Variants in TMEM215 observed in about 807,000 individuals in gnomAD.
The protein encoded by TMEM215 is transmembrane protein 215.
Under a neutral mutation model 14.7 loss-of-function variants are expected in TMEM215, and 12 were observed. The observed-to-expected ratio is 0.82, with a 90% CI of 0.52 to 1.33. The LOEUF (loss-of-function observed/expected upper bound fraction) is 1.33, where lower values mean the gene tolerates loss of function less well. TMEM215 is among the 40% of genes most tolerant of loss of function. The pLI is 0.00. For synonymous variants in TMEM215, 122 were observed against 124.8 expected (o/e 0.98, Z 0.15); for missense variants, 276 against 296.2 (o/e 0.93, Z 0.50).
Position 32,784,556 on chromosome 9 carries a change from A to T in TMEM215, c.373A>T (p.Ser125Cys). ...AGLRGKPPPQ[S>C]QGEVSVASSI... is the part of the protein sequence containing the mutation. Reference sequence around the variant, plus strand: ...CCTCAGGGGGAAGCCTCCCCCACAAAGCCAGGGTGAGGTGTCCGTGGCCAG... The same window carrying T: ...CCTCAGGGGGAAGCCTCCCCCACAATGCCAGGGTGAGGTGTCCGTGGCCAG... Residue 125 changes from serine (S) to cysteine (C), a missense_variant, in exon 2 of 2, where the codon AGC becomes TGC. By Grantham distance (112) the Ser-to-Cys change is moderately radical. Transcript: ENST00000342743. 6.2e-7 allele frequency: 1 copy of T among 1,613,826 alleles called. No individual in the cohort carries two copies. Among genetic ancestry groups the T allele is most frequent in the Non-Finnish European group, 8.5e-7 (1 of 1,179,972 alleles).
At position 32,783,676 on chromosome 9, in the gene TMEM215, A is replaced by C. The variant is rs1488514939; in HGVS notation, c.-188A>C. The stretch of plus-strand genomic sequence containing the variant: ...CCCAGGTTCCACCTCCCCGATGCAG[A>C]GTCCGTGGGGGAAACCAGGCTTTCC... On this transcript the variant is annotated 5_prime_UTR_variant, in exon 1 of 2. Transcript: ENST00000342743. 2 of 153,866 alleles carry C rather than the reference A, an allele frequency of 1.3e-5. No individual in the cohort carries two copies. Among genetic ancestry groups the C allele is most frequent in the African/African-American group, 4.8e-5 (2 of 41,470 alleles). The allele number at this position is 153,866 out of a possible 1,614,324, so 9.5% of individuals were successfully genotyped here.
At position 32,784,699 on chromosome 9, in the gene TMEM215, C is replaced by A. The variant is rs774146767; in HGVS notation, c.516C>A (p.Leu172=). ...LDGYCPSGSS[L]TYSALDVKCS... Reference sequence around the variant, plus strand: ...GCTACTGCCCCTCGGGCAGTTCCCTCACCTACAGTGCCTTGGACGTCAAGT... The same window carrying A: ...GCTACTGCCCCTCGGGCAGTTCCCTAACCTACAGTGCCTTGGACGTCAAGT... Residue 172 remains leucine, a synonymous_variant, in exon 2 of 2, where the codon CTC becomes CTA. Coordinates refer to ENST00000342743, the MANE Select transcript of TMEM215 (RefSeq NM_212558.3). 1 of 1,614,008 alleles carries A rather than the reference C, an allele frequency of 6.2e-7. No homozygotes were observed. The highest frequency in any genetic ancestry group is 1.3e-5 in the African/African-American group (1 of 74,906).
Position 32,787,664 on chromosome 9 carries a change from G to A in TMEM215, c.*2773G>A, listed in dbSNP as rs1824522502. ...TCTCAGCCCTTTAGAGGAAAAGAGA[G>A]CAACTCATTCTGATGAGTTACACAG... is the stretch of plus-strand genomic sequence containing the variant. On this transcript the variant is annotated 3_prime_UTR_variant, in exon 2 of 2. Transcript: ENST00000342743. 6.6e-6 allele frequency among the ~76,000 whole-genome samples: 1 copy of A among 152,058 alleles called. No individual in the cohort carries two copies. The highest frequency in any genetic ancestry group is 2.4e-5 in the African/African-American group (1 of 41,418).
Position 32,787,958 on chromosome 9 carries a change from C to G in TMEM215, c.*3067C>G, listed in dbSNP as rs1413339973. 1.3e-5 allele frequency among the ~76,000 whole-genome samples: 2 copies of G among 152,150 alleles called. No individual in the cohort carries two copies. Among genetic ancestry groups the G allele is most frequent in the African/African-American group, 4.8e-5 (2 of 41,438 alleles). The stretch of plus-strand genomic sequence containing the variant: ...TAAGTGAGAATTCAGACATGATACT[C>G]AAACGAGAGCATATTAGACATCTGT... On this transcript the variant is annotated 3_prime_UTR_variant, in exon 2 of 2. Coordinates refer to ENST00000342743, the MANE Select transcript of TMEM215 (RefSeq NM_212558.3).
chr9:32,785,105 G>A lies in TMEM215; in HGVS notation c.*214G>A, dbSNP rs993815179. On this transcript the variant is annotated 3_prime_UTR_variant, in exon 2 of 2. Transcript: ENST00000342743. ...ATGAGGGTTAAGGACACTGGAAGAGGCAGTGGGTAGGAAAGGAAGCTACTC... is the reference window on the plus strand; with the variant it reads ...ATGAGGGTTAAGGACACTGGAAGAGACAGTGGGTAGGAAAGGAAGCTACTC... 3 of 540,372 alleles carry A rather than the reference G, an allele frequency of 5.6e-6. No homozygotes were observed. In the African/African-American group the frequency reaches 5.7e-5, roughly 10 times the overall value. 33.5% of individuals were successfully genotyped at this position (540,372 alleles called of 1,614,324 possible).
Position 32,787,037 on chromosome 9 carries a change from A to G in TMEM215, c.*2146A>G, listed in dbSNP as rs1824514606. 6.0e-6 allele frequency: 1 copy of G among 166,996 alleles called. No homozygotes were observed. The allele number at this position is 166,996 out of a possible 1,614,324, so 10.3% of individuals were successfully genotyped here. A position where few individuals can be genotyped will look rare whatever the true frequency, so the allele number is the denominator to read the frequency against. ...TTCCTTTAAGAAGTTTGCCACCGTTAGAGATGAGGAGATAGTGAGACAGAG... is the reference window on the plus strand; with the variant it reads ...TTCCTTTAAGAAGTTTGCCACCGTTGGAGATGAGGAGATAGTGAGACAGAG... On this transcript the variant is annotated 3_prime_UTR_variant, in exon 2 of 2. Coordinates refer to ENST00000342743, the MANE Select transcript of TMEM215 (RefSeq NM_212558.3).
rs779613374 is a variant in TMEM215, at chr9:32,785,831, T to C, written c.*940T>C. 6.0e-6 allele frequency: 1 copy of C among 166,904 alleles called. No homozygotes were observed. Among genetic ancestry groups the C allele is most frequent in the South Asian group, 2.1e-4 (1 of 4,832 alleles). The allele number at this position is 166,904 out of a possible 1,614,324, so 10.3% of individuals were successfully genotyped here. A position where few individuals can be genotyped will look rare whatever the true frequency, so the allele number is the denominator to read the frequency against. On this transcript the variant is annotated 3_prime_UTR_variant, in exon 2 of 2. Transcript: ENST00000342743. Reference sequence around the variant, plus strand: ...TTTAAAATCTGAAAACTATAAAGTCTACACATTAGCCTTGAACATTGCACA... The same window carrying C: ...TTTAAAATCTGAAAACTATAAAGTCCACACATTAGCCTTGAACATTGCACA...
Position 32,786,505 on chromosome 9 carries a change from ATCT to A in TMEM215, c.*1619_*1621del, listed in dbSNP as rs1378627792. 6.0e-6 allele frequency: 1 copy of A among 166,910 alleles called. No individual in the cohort carries two copies. The highest frequency in any genetic ancestry group is 2.4e-5 in the African/African-American group (1 of 41,442). The allele number at this position is 166,910 out of a possible 1,614,324, so 10.3% of individuals were successfully genotyped here. A position where few individuals can be genotyped will look rare whatever the true frequency, so the allele number is the denominator to read the frequency against. On this transcript the variant is annotated 3_prime_UTR_variant, in exon 2 of 2. Coordinates refer to ENST00000342743, the MANE Select transcript of TMEM215 (RefSeq NM_212558.3). ...AGATGCATGATCTTGGGCAAATTTT[ATCT>A]TCTTACACCTGAGTTTCCTACTCTG...
Position 32,788,873 on chromosome 9 carries a change from G to C in TMEM215, c.*3982G>C, listed in dbSNP as rs1378682907. Among the ~76,000 whole-genome samples, 3 of 152,198 alleles carry C rather than the reference G, an allele frequency of 2.0e-5. No individual in the cohort carries two copies. Among genetic ancestry groups the C allele is most frequent in the Non-Finnish European group, 4.4e-5 (3 of 68,042 alleles). ...ACCAGTGGTGTGTTTCTCACAATTAGATTACAGTGGTGTCAGTCTTCAAGA... is the reference window on the plus strand; with the variant it reads ...ACCAGTGGTGTGTTTCTCACAATTACATTACAGTGGTGTCAGTCTTCAAGA... On this transcript the variant is annotated 3_prime_UTR_variant, in exon 2 of 2. Coordinates refer to ENST00000342743, the MANE Select transcript of TMEM215 (RefSeq NM_212558.3).
Position 32,784,506 on chromosome 9 carries a change from C to G in TMEM215, c.323C>G (p.Ser108Ter). 2 of 1,614,048 alleles carry G rather than the reference C, an allele frequency of 1.2e-6. No individual in the cohort carries two copies. The highest frequency in any genetic ancestry group is 1.7e-6 in the Non-Finnish European group (2 of 1,180,042). Residue 108 changes from serine to a stop codon, truncating the protein, a stop_gained, in exon 2 of 2, where the codon TCA (serine) becomes TGA (stop). Transcript: ENST00000342743. LOFTEE classifies it high-confidence loss of function. ...GACCTAGAATCCGGCAAGGGGAGCT[C>G]AGATGAGCTGGCTAAGAAGGCGGGC... ...PSDLESGKGSSDELAKKAGLR... is the reference protein window; with the variant it reads ...PSDLESGKGS
rs300638 is a variant in TMEM215, at chr9:32,786,588, G to T, written c.*1697G>T. 139,877 of 166,920 alleles carry T rather than the reference G, an allele frequency of 0.84. 58,704 individuals are homozygous for T. The highest frequency in any genetic ancestry group is 0.99 in the East Asian group (5,145 of 5,192). The allele number at this position is 166,920 out of a possible 1,614,324, so 10.3% of individuals were successfully genotyped here. On this transcript the variant is annotated 3_prime_UTR_variant, in exon 2 of 2. Transcript: ENST00000342743. ...ATTATTTCTATCATTCATTTTCAGT[G>T]TAAATATTCTATGGTGTTATGTCAA...
chr9:32,788,580 A>G lies in TMEM215; in HGVS notation c.*3689A>G, dbSNP rs1374571164. On this transcript the variant is annotated 3_prime_UTR_variant, in exon 2 of 2. Coordinates refer to ENST00000342743, the MANE Select transcript of TMEM215 (RefSeq NM_212558.3). The stretch of plus-strand genomic sequence containing the variant: ...GGATGATTTTGTATGTTTTTTTCCT[A>G]TTGCTGGTTACACTGCTATATTATT... Among the ~76,000 whole-genome samples, 3 of 152,112 alleles carry G rather than the reference A, an allele frequency of 2.0e-5. No homozygotes were observed. Among genetic ancestry groups the G allele is most frequent in the Non-Finnish European group, 4.4e-5 (3 of 68,014 alleles).
chr9:32,784,667 C>G lies in TMEM215; in HGVS notation c.484C>G (p.Leu162Val). Residue 162 changes from leucine (L) to valine (V), a missense_variant, in exon 2 of 2, where the codon CTG becomes GTG. Coordinates refer to ENST00000342743, the MANE Select transcript of TMEM215 (RefSeq NM_212558.3). Reference sequence around the variant, plus strand: ...GCATCAGGAGGAGACGTCCAGATACCTGGACGGCTACTGCCCCTCGGGCAG... The same window carrying G: ...GCATCAGGAGGAGACGTCCAGATACGTGGACGGCTACTGCCCCTCGGGCAG... The part of the protein sequence containing the change: ...NGHQEETSRY[L>V]DGYCPSGSSL... The G allele has an allele frequency of 6.2e-7, 1 of 1,614,074 alleles. No individual in the cohort carries two copies. The highest frequency in any genetic ancestry group is 8.5e-7 in the Non-Finnish European group (1 of 1,180,012).
rs1303088571 is a variant in TMEM215 at position 32,783,927 on chromosome 9, T to C, written c.-59+122T>C. On this transcript the variant is annotated intron_variant, in intron 1 of 1. Coordinates refer to ENST00000342743, the MANE Select transcript of TMEM215 (RefSeq NM_212558.3). ...AGGGAGAGGGGACGGAGAGAAAGAGTAGAAATAGAAACAGGGAGAGATTGC... is the reference window on the plus strand; with the variant it reads ...AGGGAGAGGGGACGGAGAGAAAGAGCAGAAATAGAAACAGGGAGAGATTGC... 8 of 439,144 alleles carry C rather than the reference T, an allele frequency of 1.8e-5. No individual in the cohort carries two copies. The East Asian group carries it at 3.0e-4, about 16-fold the overall frequency. The allele number at this position is 439,144 out of a possible 1,614,324, so 27.2% of individuals were successfully genotyped here.
rs764173389 is a variant in TMEM215 at position 32,788,308 on chromosome 9, T to G, written c.*3417T>G. Among the ~76,000 whole-genome samples, 3 of 152,234 alleles carry G rather than the reference T, an allele frequency of 2.0e-5. No homozygotes were observed. The highest frequency in any genetic ancestry group is 2.9e-5 in the Non-Finnish European group (2 of 68,022). On this transcript the variant is annotated 3_prime_UTR_variant, in exon 2 of 2. Transcript: ENST00000342743. ...GGTTTCTGAAAACCCACAACCTCACTATCCTAAAGCAACTACTGTGTTTCT... is the reference window on the plus strand; with the variant it reads ...GGTTTCTGAAAACCCACAACCTCACGATCCTAAAGCAACTACTGTGTTTCT...
chr9:32,786,010 G>A lies in TMEM215; in HGVS notation c.*1119G>A, dbSNP rs987712049. 1 of 166,910 alleles carries A rather than the reference G, an allele frequency of 6.0e-6. No individual in the cohort carries two copies. The highest frequency in any genetic ancestry group is 1.5e-5 in the Non-Finnish European group (1 of 68,084). The allele number at this position is 166,910 out of a possible 1,614,324, so 10.3% of individuals were successfully genotyped here. A position where few individuals can be genotyped will look rare whatever the true frequency, so the allele number is the denominator to read the frequency against. ...ATTTTATTAAGCTCACCTGATCAGT[G>A]AACATTACATGATAAAAGTCTCTTT... On this transcript the variant is annotated 3_prime_UTR_variant, in exon 2 of 2. Transcript: ENST00000342743.
chr9:32,784,994 G>A lies in TMEM215; in HGVS notation c.*103G>A. 2.1e-6 allele frequency: 2 copies of A among 949,320 alleles called. No individual in the cohort carries two copies. The allele number at this position is 949,320 out of a possible 1,614,324, so 58.8% of individuals were successfully genotyped here. ...GAGAGCCTTCACACTGTTAGAAATT[G>A]ACCTGGTATGTGATGGGTGTGATAA... On this transcript the variant is annotated 3_prime_UTR_variant, in exon 2 of 2. Transcript: ENST00000342743.
In TMEM215 at chr9:32,787,608, A is replaced by G. The variant is rs992519752; in HGVS notation, c.*2717A>G. Among the ~76,000 whole-genome samples the G allele has an allele frequency of 6.6e-6, 1 of 152,100 alleles. No homozygotes were observed. ...AAGGGGAAAAGCCACATTTTTTTGA[A>G]CAGAGGTAGAAGAGAAAGAGAAAAA... On this transcript the variant is annotated 3_prime_UTR_variant, in exon 2 of 2. Transcript: ENST00000342743.
rs1824469294 is a variant in TMEM215, at chr9:32,783,915, G to A, written c.-59+110G>A. The A allele has an allele frequency of 1.6e-5, 7 of 433,120 alleles. No individual in the cohort carries two copies. The Admixed American group carries it at 1.6e-4, about 10-fold the overall frequency. 26.8% of individuals were successfully genotyped at this position (433,120 alleles called of 1,614,324 possible). On this transcript the variant is annotated intron_variant, in intron 1 of 1. Coordinates refer to ENST00000342743, the MANE Select transcript of TMEM215 (RefSeq NM_212558.3). ...AGAAAGGGAGGGAGGGAGAGGGGAC[G>A]GAGAGAAAGAGTAGAAATAGAAACA...
Sources: allele counts gnomAD v4.1 joint callset (sites outside exome capture counted in the v4.1 genomes callset), GRCh38; gene constraint gnomAD v4.1.1; transcripts MANE v1.5; gene names NCBI Gene and HGNC (gene_info 2026-07-23, HGNC 2026-07-21).